NALCN: variants seen among roughly 807,000 people sequenced by gnomAD.
The protein encoded by NALCN is sodium leak channel, non-selective.
NALCN carries 111 observed loss-of-function variants against 225.3 expected under a neutral mutation model. The ratio of observed to expected loss-of-function variants is 0.49; its 90% confidence interval spans 0.42 to 0.58. The LOEUF (loss-of-function observed/expected upper bound fraction) is 0.58. NALCN is among the 20% of genes least tolerant of loss of function. The pLI is 0.00. For missense variants in NALCN, 1,378 were observed against 2,202.4 expected (o/e 0.63, Z 7.49); for synonymous variants, 764 against 769.0 (o/e 0.99, Z 0.11).
At chr13:101,143,297 TTTGC>T (rs2037186300) in intron 16 of NALCN, 76 bp from the exon 17 acceptor site, 12 of 1,448,870 alleles carry the variant, frequency 8.3e-6, no homozygotes, top group Non-Finnish European at 1.0e-5. Flanking sequence ...CAATGATGAG[TTTGC>T]TTGAGCAAAG....
At chr13:101,118,409 G>C (rs776274599) in intron 18 of NALCN, among the ~76,000 whole-genome samples, 1 of 151,900 alleles carries the variant, frequency 6.6e-6, no homozygotes, top group Non-Finnish European at 1.5e-5. Flanking sequence ...CGCAAATCAG[G>C]TACTATCTAA....
intron 7 of NALCN, among the ~76,000 whole-genome samples, chr13:101,319,545 T>C (rs954768518): frequency 1.3e-5 from 2 of 152,240 alleles, no homozygotes; most frequent in East Asian, 3.8e-4. Context: ...TTTGATTACA[T>C]GTTTTTAGAA....
chr13:101,376,996 G>C lies in NALCN; in HGVS notation c.436C>G (p.Arg146Gly). 1 of 1,614,106 alleles carries C rather than the reference G, an allele frequency of 6.2e-7. No individual in the cohort carries two copies. The highest frequency in any genetic ancestry group is 8.5e-7 in the Non-Finnish European group (1 of 1,180,008). Residue 146 changes from arginine to glycine, a missense_variant, in exon 5 of 44, where the codon CGG becomes GGG. Coordinates refer to ENST00000251127, the MANE Select transcript of NALCN (RefSeq NM_052867.4). ...MSPWGMLRIPRPLIMIRAFRI... is the reference protein window; with the variant it reads ...MSPWGMLRIPGPLIMIRAFRI... ...AATGCTCGGATCATAATCAGTGGCC[G>C]TGGAATCCGCAACATGCCCCAAGGT...
chr13:101,101,657 G>A (rs923479928), intron 26 of NALCN, among the ~76,000 whole-genome samples: 6 of 152,118 alleles, frequency 3.9e-5, no homozygotes, highest in African/African-American at 9.7e-5. Context: ...GAAGGTGTGC[G>A]TTAGGAGAAT....
intron 20 of NALCN, among the ~76,000 whole-genome samples, chr13:101,108,592 C>G (rs994760433): frequency 6.6e-6 from 1 of 152,082 alleles, no homozygotes; most frequent in Non-Finnish European, 1.5e-5. Context: ...GGTGAGGGTG[C>G]AGGCTGTGGT....
Position 101,066,675 on chromosome 13 carries a change from G to A in NALCN, c.4447-1114C>T, listed in dbSNP as rs139703320. Among the ~76,000 whole-genome samples the A allele has an allele frequency of 6.6e-5, 10 of 152,234 alleles. No homozygotes were observed. In the East Asian group the frequency reaches 1.9e-3, roughly 29 times the overall value. ...AGCTGAGAGTGAGCTCAGATGCCCT[G>A]CACGCAGGGCTCTCACTACCTTGAA... On this transcript the variant is annotated intron_variant, in intron 39 of 43. Transcript: ENST00000251127.
intron 18 of NALCN, among the ~76,000 whole-genome samples, chr13:101,113,011 T>C (rs1367456611): frequency 1.3e-5 from 2 of 152,200 alleles, no homozygotes; most frequent in Non-Finnish European, 2.9e-5. Context: ...ATGTTTTTAA[T>C]GTGGATGAAG....
intron 10 of NALCN, among the ~76,000 whole-genome samples, chr13:101,275,189 G>C (rs146754753): frequency 2.0e-5 from 3 of 152,050 alleles, no homozygotes; most frequent in Non-Finnish European, 2.9e-5. Context: ...GGGGAGTCTC[G>C]TTAGGGCTTT....
At chr13:101,082,951 T>G in intron 32 of NALCN, 68 bp from the exon 33 acceptor site, 3 of 1,588,906 alleles carry the variant, frequency 1.9e-6, no homozygotes, top group Non-Finnish European at 2.6e-6. Flanking sequence ...GCCCCTCTTC[T>G]GCCCACTTTG....
chr13:101,416,146 G>GC (rs1160889568), intron 1 of NALCN, among the ~76,000 whole-genome samples, 167 bp downstream of exon 1: 1 of 151,598 alleles, frequency 6.6e-6, no homozygotes, highest in Non-Finnish European at 1.5e-5. Context: ...CCCGCGCGGG[G>GC]CCCCCGCCCG....
rs1278371508 is a variant in NALCN, at chr13:101,415,206, C to CATATATATATATATGT, written c.-40+1106_-40+1107insACATATATATATATAT. Among the ~76,000 whole-genome samples, 937 of 104,806 alleles carry CATATATATATATATGT rather than the reference C, an allele frequency of 8.9e-3. 44 individuals are homozygous for CATATATATATATATGT. Among genetic ancestry groups the CATATATATATATATGT allele is most frequent in the African/African-American group, 0.046 (895 of 19,448 alleles). 68.8% of individuals were successfully genotyped at this position (104,806 alleles called of 152,430 possible). On this transcript the variant is annotated intron_variant, in intron 1 of 43. Coordinates refer to ENST00000251127, the MANE Select transcript of NALCN (RefSeq NM_052867.4). ...TGTAGTTATGAACATACAAATCACA[C>CATATATATATATATGT]ACATATATATATATATATACATACA...
chr13:101,163,013 T>C lies in NALCN; in HGVS notation c.1839+13287A>G, dbSNP rs186074518. Among the ~76,000 whole-genome samples, 34 of 152,308 alleles carry C rather than the reference T, an allele frequency of 2.2e-4. No homozygotes were observed. In the East Asian group the frequency reaches 5.6e-3, roughly 25 times the overall value. On this transcript the variant is annotated intron_variant, in intron 15 of 43. Transcript: ENST00000251127. ...GCCTCCTGGGTTCAAGTGATTCTCC[T>C]GTCTCAGTCTCCCAAGTAGCTAGGA...
chr13:101,348,457 T>C (rs61973684), intron 6 of NALCN, among the ~76,000 whole-genome samples: 3,093 of 152,292 alleles, frequency 0.02, 55 homozygotes, highest in Non-Finnish European at 0.034. Flanking sequence ...TCCAGCCCTG[T>C]GTGTATAGCC....
chr13:101,123,480 T>G (rs1006263851), intron 18 of NALCN, among the ~76,000 whole-genome samples: 2 of 152,212 alleles, frequency 1.3e-5, no homozygotes, highest in African/African-American at 4.8e-5. Flanking sequence ...AATACCAGGA[T>G]GGAGTTACCA....
At chr13:101,299,004 A>G (rs2043854573) in intron 7 of NALCN, among the ~76,000 whole-genome samples, 1 of 152,252 alleles carries the variant, frequency 6.6e-6, no homozygotes, top group African/African-American at 2.4e-5. Flanking sequence ...TTCACTTGAG[A>G]TCAAATACAA....
intron 27 of NALCN, among the ~76,000 whole-genome samples, chr13:101,098,480 C>T (rs1183226271): frequency 6.6e-6 from 1 of 152,120 alleles, no homozygotes; most frequent in African/African-American, 2.4e-5. Flanking sequence ...GTGACAAAGT[C>T]CTAGGCTCCA....
At chr13:101,142,138 C>CT (rs33925974) in intron 17 of NALCN, among the ~76,000 whole-genome samples, 2,080 of 96,966 alleles carry the variant, frequency 0.021, 133 homozygotes, top group Admixed American at 0.028. Context: ...CATTCTATGT[C>CT]TTTTTTTTTT....
intron 26 of NALCN, among the ~76,000 whole-genome samples, chr13:101,101,502 A>G (rs1324616989): frequency 6.6e-6 from 1 of 152,038 alleles, no homozygotes; most frequent in Admixed American, 6.6e-5. Flanking sequence ...GCTGGTCTTG[A>G]ACTCCTGACC....
In NALCN at chr13:101,154,222, A is replaced by G. The variant is rs74570040; in HGVS notation, c.1840-9326T>C. Among the ~76,000 whole-genome samples the G allele has an allele frequency of 1.9e-3, 286 of 152,334 alleles. 3 individuals are homozygous for G. In the East Asian group the frequency reaches 0.041, roughly 22 times the overall value. On this transcript the variant is annotated intron_variant, in intron 15 of 43. Coordinates refer to ENST00000251127, the MANE Select transcript of NALCN (RefSeq NM_052867.4). ...GAGGAAACAGGTCCATGGAGCTTCA[A>G]TTAGCTGCCTGAAGTCACATAGCTA... is the stretch of plus-strand genomic sequence containing the variant.
Sources: gnomAD v4.1 joint callset for allele counts (sites outside exome capture counted in the v4.1 genomes callset) on GRCh38, gnomAD v4.1.1 for gene constraint, MANE v1.5 for transcripts, NCBI Gene and HGNC (gene_info 2026-07-23, HGNC 2026-07-21) for gene names.